AHI1: variants seen among roughly 807,000 people sequenced by gnomAD.
The protein encoded by AHI1 is jouberin.
In AHI1, 123 loss-of-function variants were observed where a neutral mutation model predicts 149.3. That is an observed-to-expected ratio of 0.82 (90% CI 0.71 to 0.96). The LOEUF is 0.96. Ranked by LOEUF, AHI1 falls within the 40% of genes least tolerant of loss-of-function variation. The pLI is 0.00. For synonymous variants in AHI1, 475 were observed against 459.8 expected, an observed-to-expected ratio of 1.03 and a Z score of -0.42; for missense variants, 1,439 against 1,422.7, an observed-to-expected ratio of 1.01 and a Z score of -0.18.
At chr6:135,389,235 C>CGGGAGGCAGAGCTTGCA (rs368360302) in intron 23 of AHI1, among the ~76,000 whole-genome samples, 5,853 of 148,886 alleles carry the variant, frequency 0.039, 413 homozygotes, top group African/African-American at 0.14. Context: ...GGAGTGAACC[C>CGGGAGGCAGAGCTTGCA]GGGAGGCAGA....
At chr6:135,334,042 G>A (rs936335210) in intron 24 of AHI1, among the ~76,000 whole-genome samples, 4 of 152,138 alleles carry the variant, frequency 2.6e-5, no homozygotes, top group East Asian at 3.8e-4. Context: ...CAACAATAAC[G>A]ATAAAGCATT....
chr6:135,312,241 G>A (rs1446905082), intron 26 of AHI1, among the ~76,000 whole-genome samples: 1 of 152,134 alleles, frequency 6.6e-6, no homozygotes, highest in Non-Finnish European at 1.5e-5. Context: ...GGCTGGGCAC[G>A]GTGGCTCATG....
chr6:135,331,302 C>A (rs561049253), intron 24 of AHI1, among the ~76,000 whole-genome samples: 1 of 152,260 alleles, frequency 6.6e-6, no homozygotes, highest in South Asian at 2.1e-4. Flanking sequence ...CAAATTTTGA[C>A]CACTGTTCAC....
At position 135,323,317 on chromosome 6, in the gene AHI1, G is replaced by A. The variant is rs751040653; in HGVS notation, c.3173C>T (p.Ala1058Val). The change falls in exon 25 of 29, where the codon GCT becomes GTT. Residue 1058 changes from alanine (A) to valine (V), a missense_variant. By Grantham distance (64) the Ala-to-Val change is moderately conservative. Transcript: ENST00000265602. ...TCGATTCGCTGTGTAGTCATAAAGA[G>A]CCACTACCTAAGAGAGAGATAAGAC... ...HQVDTAPTVVALYDYTANRSD... is the reference protein window; with the variant it reads ...HQVDTAPTVVVLYDYTANRSD... 1.2e-5 allele frequency: 20 copies of A among 1,613,174 alleles called. No homozygotes were observed. Among genetic ancestry groups the A allele is most frequent in the Non-Finnish European group, 1.7e-5 (20 of 1,179,600 alleles).
intron 8 of AHI1, among the ~76,000 whole-genome samples, chr6:135,459,393 C>T (rs532379569): frequency 6.6e-6 from 1 of 151,850 alleles, no homozygotes; most frequent in East Asian, 1.9e-4. Flanking sequence ...GTCTTAAATG[C>T]ATATAAAAGA....
At chr6:135,394,610 G>T in intron 23 of AHI1, 166 bp downstream of exon 23, 1 of 953,278 alleles carries the variant, frequency 1.0e-6, no homozygotes, top group Non-Finnish European at 1.5e-6. Flanking sequence ...ACTTACTTTT[G>T]AAATAACCTT....
At chr6:135,338,499 C>CTCA (rs1387694199) in intron 24 of AHI1, among the ~76,000 whole-genome samples, 1 of 151,988 alleles carries the variant, frequency 6.6e-6, no homozygotes, top group Non-Finnish European at 1.5e-5. Context: ...AAACTCTGAG[C>CTCA]TTAAGGATAA....
intron 5 of AHI1, among the ~76,000 whole-genome samples, chr6:135,480,164 A>G (rs1228674398): frequency 1.1e-4 from 17 of 152,184 alleles, no homozygotes; most frequent in Non-Finnish European, 7.3e-5. Context: ...CTTCACATAC[A>G]TTTTAAGAAA....
intron 28 of AHI1, among the ~76,000 whole-genome samples, chr6:135,289,388 G>A (rs879307065): frequency 1.3e-5 from 2 of 151,864 alleles, no homozygotes. Flanking sequence ...CCAGCTACTC[G>A]GGAGGCTGAG....
intron 23 of AHI1, among the ~76,000 whole-genome samples, chr6:135,363,853 C>T (rs1226779438): frequency 6.8e-6 from 1 of 148,072 alleles, no homozygotes; most frequent in East Asian, 2.1e-4. Context: ...GGCAGAGGCG[C>T]CCCTCACCCC....
chr6:135,364,180 C>T (rs1379851777), intron 23 of AHI1, among the ~76,000 whole-genome samples: 3 of 149,868 alleles, frequency 2.0e-5, no homozygotes, highest in Non-Finnish European at 4.4e-5. Flanking sequence ...TCAGACAGGG[C>T]GGTTGCCAGG....
At chr6:135,306,790 G>A (rs1053883393) in intron 26 of AHI1, 1 of 152,164 alleles carries the variant, frequency 6.6e-6, no homozygotes, top group Non-Finnish European at 1.5e-5. Context: ...TGCTAATGAT[G>A]CATCTGGCAT....
chr6:135,403,735 C>T (rs1404921569), intron 22 of AHI1, among the ~76,000 whole-genome samples: 1 of 152,170 alleles, frequency 6.6e-6, no homozygotes. Flanking sequence ...CCAATCATTG[C>T]TATCAGGAAC....
chr6:135,457,748 T>C, intron 8 of AHI1, 35 bp from the exon 9 acceptor site: 1 of 1,567,568 alleles, frequency 6.4e-7, no homozygotes, highest in South Asian at 1.1e-5. Flanking sequence ...ATGTTATAAT[T>C]AGTTGTTCCC....
At chr6:135,478,431 ACCCTG>A (rs1793069581) in intron 5 of AHI1, among the ~76,000 whole-genome samples, 1 of 152,162 alleles carries the variant, frequency 6.6e-6, no homozygotes, top group Admixed American at 6.5e-5. Flanking sequence ...CGGCACTGTG[ACCCTG>A]CTCTAGAGAT....
Position 135,423,176 on chromosome 6 carries a change from G to T in AHI1, c.2764+3991C>A, listed in dbSNP as rs377123688. Among the ~76,000 whole-genome samples, 4 of 152,162 alleles carry T rather than the reference G, an allele frequency of 2.6e-5. No homozygotes were observed. In the South Asian group the frequency reaches 6.2e-4, roughly 24 times the overall value. ...GATAATATATGTAAAATGCTCATAA[G>T]ATTGGTAGACACAGTAAATGCTTGA... On this transcript the variant is annotated intron_variant, in intron 20 of 28. Transcript: ENST00000265602.
intron 11 of AHI1, among the ~76,000 whole-genome samples, chr6:135,449,725 T>C (rs946412305): frequency 2.6e-5 from 4 of 152,128 alleles, no homozygotes; most frequent in East Asian, 1.9e-4. Context: ...TCTAAGATAG[T>C]ATTGTCCAAG....
At chr6:135,330,721 T>A (rs1413965371) in intron 24 of AHI1, among the ~76,000 whole-genome samples, 1 of 152,190 alleles carries the variant, frequency 6.6e-6, no homozygotes, top group African/African-American at 2.4e-5. Context: ...ACCATTCAGT[T>A]AGGATTATTC....
Position 135,290,408 on chromosome 6 carries a change from T to A in AHI1, c.3588+15A>T, listed in dbSNP as rs370223538. On this transcript the variant is annotated intron_variant, in intron 28 of 28. Transcript: ENST00000265602. ...TTGACAACATAGCGCAACTTTCTATTGGTTTTCCCCTTACCTCTATTAGAG... is the reference window on the plus strand; with the variant it reads ...TTGACAACATAGCGCAACTTTCTATAGGTTTTCCCCTTACCTCTATTAGAG... 48 of 1,423,834 alleles carry A rather than the reference T, an allele frequency of 3.4e-5. No individual in the cohort carries two copies. In the African/African-American group the frequency reaches 6.3e-4, roughly 19 times the overall value. The allele number at this position is 1,423,834 out of a possible 1,614,324, so 88.2% of individuals were successfully genotyped here.
Sources: gnomAD v4.1 joint callset for allele counts (sites outside exome capture counted in the v4.1 genomes callset) on GRCh38, gnomAD v4.1.1 for gene constraint, MANE v1.5 for transcripts, NCBI Gene and HGNC (gene_info 2026-07-23, HGNC 2026-07-21) for gene names.